The following ZNF560 variants were observed in gnomAD, a reference collection of about 807,000 sequenced individuals.
ZNF560 encodes the protein zinc finger protein 560.
ZNF560 carries 54 observed loss-of-function variants against 81.8 expected under a neutral mutation model. That is an observed-to-expected ratio of 0.66 (90% CI 0.53 to 0.83). The LOEUF is 0.83. Among genes scored for constraint, ZNF560 ranks in the 40% least tolerant of loss-of-function variants. The pLI, the probability that ZNF560 is intolerant of heterozygous loss-of-function variation, is 0.00. For synonymous variants in ZNF560, 321 were observed against 317.9 expected, an observed-to-expected ratio of 1.01 and a Z score of -0.10; for missense variants, 940 against 932.4, an observed-to-expected ratio of 1.01 and a Z score of -0.11.
In ZNF560 at chr19:9,494,372, C is replaced by A. The variant is rs80067853; in HGVS notation, c.-57+3756G>T. On this transcript the variant is annotated intron_variant, in intron 2 of 9. Transcript: ENST00000301480. ...AATTCACGATCATATCTGCTAGGAACAAAGGGCTGCATTCCTTAAGCATTT... is the reference window on the plus strand; with the variant it reads ...AATTCACGATCATATCTGCTAGGAAAAAAGGGCTGCATTCCTTAAGCATTT... Among the ~76,000 whole-genome samples the A allele has an allele frequency of 2.5e-3, 388 of 152,238 alleles. 2 individuals carry two copies. The highest frequency in any genetic ancestry group is 9.1e-3 in the African/African-American group (378 of 41,546).
the ZNF560 span, among the ~76,000 whole-genome samples, chr19:9,460,253 C>T: frequency 6.9e-3 from 1,052 of 152,256 alleles, 10 homozygotes; most frequent in African/African-American, 0.023. Context: ...CAACACTCAT[C>T]GAAAGCAGCC....
Position 9,466,480 on chromosome 19 carries a change from G to T in ZNF560, c.*94C>A. The T allele has an allele frequency of 1.7e-6, 2 of 1,150,698 alleles. No homozygotes were observed. The highest frequency in any genetic ancestry group is 1.5e-5 in the South Asian group (1 of 64,682). 71.3% of individuals were successfully genotyped at this position (1,150,698 alleles called of 1,614,324 possible). On this transcript the variant is annotated 3_prime_UTR_variant, in exon 10 of 10. Transcript: ENST00000301480. ...CTTTCTCACATTCCTTACATTGATA[G>T]TGTTACTTTCTCCTGTGAATTTTTA...
intron 2 of ZNF560, among the ~76,000 whole-genome samples, chr19:9,487,767 C>T (rs1010950365): frequency 2.0e-5 from 3 of 152,200 alleles, no homozygotes; most frequent in Non-Finnish European, 2.9e-5. Flanking sequence ...AGCATAAGTA[C>T]CTTATCATCC....
downstream of ZNF560, among the ~76,000 whole-genome samples, chr19:9,463,004 G>T (rs886351153): frequency 6.6e-6 from 1 of 152,118 alleles, no homozygotes; most frequent in South Asian, 2.1e-4. Context: ...TAGTAATGAT[G>T]GAAAACATCT....
At chr19:9,480,709 T>A (rs143466738) in intron 2 of ZNF560, among the ~76,000 whole-genome samples, 4 of 148,676 alleles carry the variant, frequency 2.7e-5, no homozygotes, top group East Asian at 3.9e-4. Context: ...GGAGGCTGAG[T>A]TAAAAGGATC....
rs1230503992 is a variant in ZNF560 at position 9,470,460 on chromosome 19, A to G, written c.380T>C (p.Leu127Pro). 6.2e-7 allele frequency: 1 copy of G among 1,614,040 alleles called. No individual in the cohort carries two copies. The highest frequency in any genetic ancestry group is 8.5e-7 in the Non-Finnish European group (1 of 1,180,022). The change falls in exon 7 of 10, where the codon CTG (leucine) becomes CCG (proline). Residue 127 changes from leucine (L) to proline (P), a missense_variant. Leu to Pro is a moderately conservative substitution (Grantham distance 98). Transcript: ENST00000301480. ...GTACAGGTTTCTCTGAGCTGGGTCC[A>G]GTAAAGTCCACTCTTCCTGGGTGAA... ...VEFTQEEWTLLDPAQRNLYSD... is the reference protein window; with the variant it reads ...VEFTQEEWTLPDPAQRNLYSD...
chr19:9,456,406 C>T, the ZNF560 span, among the ~76,000 whole-genome samples: 17 of 152,116 alleles, frequency 1.1e-4, no homozygotes, highest in African/African-American at 3.9e-4. Context: ...AAAGGCAGAA[C>T]CGGGAGAGCG....
chr19:9,471,257 TGA>T (rs1347257179), intron 6 of ZNF560, 37 bp downstream of exon 6: 1 of 1,444,368 alleles, frequency 6.9e-7, no homozygotes, highest in Admixed American at 2.1e-5. Flanking sequence ...CAATATTCTC[TGA>T]GTGTGAAAAA....
upstream of ZNF560, among the ~76,000 whole-genome samples, chr19:9,499,566 C>G (rs576943887): frequency 6.6e-6 from 1 of 152,190 alleles, no homozygotes; most frequent in Non-Finnish European, 1.5e-5. Flanking sequence ...TCAAATGATT[C>G]AAAGCCTCCT....
rs769814801 is a variant in ZNF560 at position 9,469,142 on chromosome 19, T to C, written c.575A>G (p.Asp192Gly). ...ATTTAATGTTTTTAAACAAAAATTATCTTGCCAAAGGGCTGGCCCTTTGGT... is the reference window on the plus strand; with the variant it reads ...ATTTAATGTTTTTAAACAAAAATTACCTTGCCAAAGGGCTGGCCCTTTGGT... ...LKTKGPALWQ[D>G]NFCLKTLNGI... The change falls in exon 9 of 10, where the codon GAT becomes GGT. Residue 192 changes from aspartate (D) to glycine (G), a missense_variant. Transcript: ENST00000301480. The C allele has an allele frequency of 1.3e-6, 2 of 1,597,838 alleles. No homozygotes were observed. Among genetic ancestry groups the C allele is most frequent in the Non-Finnish European group, 1.7e-6 (2 of 1,174,160 alleles).
At chr19:9,475,677 G>A (rs2073190051) in intron 2 of ZNF560, among the ~76,000 whole-genome samples, 1 of 151,126 alleles carries the variant, frequency 6.6e-6, no homozygotes, top group Non-Finnish European at 1.5e-5. Flanking sequence ...CACGATCTCG[G>A]CTCACTGCAA....
the ZNF560 span, among the ~76,000 whole-genome samples, chr19:9,461,201 T>C: frequency 2.0e-5 from 3 of 152,284 alleles, no homozygotes; most frequent in Admixed American, 2.0e-4. Context: ...ACAATTTGGA[T>C]ACAAAGTTGT....
chr19:9,493,743 T>C (rs181233064), intron 2 of ZNF560, among the ~76,000 whole-genome samples: 1 of 152,356 alleles, frequency 6.6e-6, no homozygotes, highest in East Asian at 1.9e-4. Flanking sequence ...GTCTCTTTTC[T>C]ATTTCTATTT....
Position 9,467,075 on chromosome 19 carries a change from TC to T in ZNF560, c.1871del (p.Gly624GlufsTer20). ...DLTKHLRRHT[G>X]DKPYEYKDCG... The stretch of plus-strand genomic sequence containing the variant: ...AGTCCTTATATTCATAGGGCTTATC[TC>T]CAGTGTGTCTTCGTAAATGTTTAGT... On this transcript the variant is annotated frameshift_variant, in exon 10 of 10. Coordinates refer to ENST00000301480, the MANE Select transcript of ZNF560 (RefSeq NM_152476.3). LOFTEE classifies it high-confidence loss of function. 6.2e-7 allele frequency: 1 copy of T among 1,614,022 alleles called. No individual in the cohort carries two copies. Among genetic ancestry groups the T allele is most frequent in the Non-Finnish European group, 8.5e-7 (1 of 1,180,004 alleles).
intron 2 of ZNF560, among the ~76,000 whole-genome samples, chr19:9,493,536 A>G (rs2073505511): frequency 6.6e-6 from 1 of 151,812 alleles, no homozygotes; most frequent in Non-Finnish European, 1.5e-5. Context: ...TAATTTTTGT[A>G]TTTTCAGTAG....
chr19:9,487,200 C>T (rs1370964688), intron 2 of ZNF560, among the ~76,000 whole-genome samples: 1 of 152,176 alleles, frequency 6.6e-6, no homozygotes, highest in Non-Finnish European at 1.5e-5. Context: ...GTCATTGTTC[C>T]ATCTGCGAGG....
the ZNF560 span, among the ~76,000 whole-genome samples, chr19:9,453,440 T>C: frequency 8.3e-6 from 1 of 120,544 alleles, no homozygotes; most frequent in Admixed American, 8.3e-5. Flanking sequence ...ACATTAATGT[T>C]TTTCATAAAG....
intron 5 of ZNF560, among the ~76,000 whole-genome samples, chr19:9,471,586 T>A (rs531222155): frequency 6.6e-6 from 1 of 152,314 alleles, no homozygotes; most frequent in East Asian, 1.9e-4. Flanking sequence ...ACAAATTGAC[T>A]CATTTAGATT....
the ZNF560 span, among the ~76,000 whole-genome samples, chr19:9,457,094 T>C: frequency 6.6e-6 from 1 of 152,168 alleles, no homozygotes; most frequent in South Asian, 2.1e-4. Context: ...AACTGGAGGC[T>C]TTAAATGAAC....
Sources: allele counts gnomAD v4.1 joint callset (sites outside exome capture counted in the v4.1 genomes callset), GRCh38; gene constraint gnomAD v4.1.1; transcripts MANE v1.5; gene names NCBI Gene and HGNC (gene_info 2026-07-23, HGNC 2026-07-21).